RHPN2: variants seen among roughly 807,000 people sequenced by gnomAD.
RHPN2 encodes the protein rhophilin Rho GTPase binding protein 2.
A neutral mutation model predicts 79.0 loss-of-function variants in RHPN2; 40 were observed. That is an observed-to-expected ratio of 0.51 (90% CI 0.39 to 0.66). RHPN2 has a LOEUF of 0.66. RHPN2 is among the 30% of genes least tolerant of loss of function. The pLI is 0.00. For missense variants in RHPN2, 686 were observed against 883.5 expected (o/e 0.78, Z 2.83); for synonymous variants, 285 against 363.5 (o/e 0.78, Z 2.46).
intron 2 of RHPN2, 25 bp downstream of exon 2, chr19:33,044,224 G>T: frequency 6.5e-7 from 1 of 1,545,978 alleles, no homozygotes; most frequent in Non-Finnish European, 8.9e-7. Flanking sequence ...ACTCAGGAGA[G>T]GCAGGGAAGC....
At chr19:32,987,431 C>T (rs974442595) in intron 14 of RHPN2, among the ~76,000 whole-genome samples, 1 of 152,182 alleles carries the variant, frequency 6.6e-6, no homozygotes, top group African/African-American at 2.4e-5. Context: ...GCCACCTCTC[C>T]ACCAAAGTGT....
At chr19:32,991,753 G>A (rs891701600) in intron 13 of RHPN2, 70 bp downstream of exon 13, 2 of 1,604,068 alleles carry the variant, frequency 1.2e-6, no homozygotes, top group Non-Finnish European at 1.7e-6. Flanking sequence ...TTTGACATGG[G>A]TGAACCCACC....
chr19:32,984,626 C>T (rs1568308166), intron 14 of RHPN2, among the ~76,000 whole-genome samples: 1 of 151,880 alleles, frequency 6.6e-6, no homozygotes, highest in African/African-American at 2.4e-5. Flanking sequence ...CCACTGCACT[C>T]CAGCCTGGAT....
intron 14 of RHPN2, among the ~76,000 whole-genome samples, chr19:32,988,736 T>G (rs551404643): frequency 6.6e-6 from 1 of 152,178 alleles, no homozygotes; most frequent in African/African-American, 2.4e-5. Context: ...TTCTTGTCCC[T>G]CTGCAACTGG....
In RHPN2 at chr19:33,017,721, AAAAAG is replaced by A. The variant is rs1172841743; in HGVS notation, c.390+3845_390+3849del. 3.2e-3 allele frequency among the ~76,000 whole-genome samples: 447 copies of A among 141,062 alleles called. 4 individuals carry two copies. The highest frequency in any genetic ancestry group is 0.02 in the South Asian group (83 of 4,198). 92.5% of individuals were successfully genotyped at this position (141,062 alleles called of 152,430 possible). A position where few individuals can be genotyped will look rare whatever the true frequency, so the allele number is the denominator to read the frequency against. On this transcript the variant is annotated intron_variant, in intron 4 of 14. Coordinates refer to ENST00000254260, the MANE Select transcript of RHPN2 (RefSeq NM_033103.5). ...CATCTCTTAAAAAAAAAAAAAAAAA[AAAAAG>A]AGAGAGAGAGATGACTGGCCATGGT...
At chr19:33,061,675 G>A (rs1265986211) in intron 1 of RHPN2, among the ~76,000 whole-genome samples, 1 of 152,070 alleles carries the variant, frequency 6.6e-6, no homozygotes, top group South Asian at 2.1e-4. Context: ...GTAGAGACAG[G>A]GTTTCACCAT....
intron 3 of RHPN2, among the ~76,000 whole-genome samples, chr19:33,022,483 G>A (rs547012058): frequency 5.3e-5 from 8 of 151,898 alleles, no homozygotes; most frequent in Non-Finnish European, 8.8e-5. Flanking sequence ...GTGTCTAGGC[G>A]TCCCACCACC....
chr19:33,051,634 G>C (rs1368152515), intron 1 of RHPN2: 1 of 189,084 alleles, frequency 5.3e-6, no homozygotes, highest in African/African-American at 2.4e-5. Context: ...GTTATCCTAG[G>C]TGAAATCTGT....
At chr19:33,022,127 TA>T (rs67694038) in intron 3 of RHPN2, among the ~76,000 whole-genome samples, 17,999 of 152,008 alleles carry the variant, frequency 0.12, 1,118 homozygotes, top group African/African-American at 0.18. Context: ...ATTTTTTTAG[TA>T]GCAATGGGGT....
At chr19:33,060,091 C>T (rs1022985728) in intron 1 of RHPN2, among the ~76,000 whole-genome samples, 3 of 152,224 alleles carry the variant, frequency 2.0e-5, no homozygotes, top group Non-Finnish European at 2.9e-5. Context: ...CTAGCCTCCG[C>T]GTTCACCCGC....
chr19:33,047,731 TCTC>T (rs2145265791), intron 1 of RHPN2, among the ~76,000 whole-genome samples: 1 of 152,056 alleles, frequency 6.6e-6, no homozygotes, highest in East Asian at 1.9e-4. Flanking sequence ...ATCCCAGTAT[TCTC>T]CTTCCACAGA....
chr19:32,995,484 A>T (rs995942098), intron 11 of RHPN2, among the ~76,000 whole-genome samples: 13 of 152,142 alleles, frequency 8.5e-5, no homozygotes, highest in Non-Finnish European at 1.6e-4. Flanking sequence ...GCAGGCTCGG[A>T]CTACCCTTAA....
intron 2 of RHPN2, among the ~76,000 whole-genome samples, chr19:33,032,291 A>G (rs73039431): frequency 0.077 from 11,693 of 152,250 alleles, 572 homozygotes; most frequent in South Asian, 0.24. Context: ...TGCTGGGATT[A>G]TAGGCGTGAG....
intron 12 of RHPN2, among the ~76,000 whole-genome samples, chr19:32,993,455 CAG>C (rs1971677132): frequency 6.6e-6 from 1 of 152,058 alleles, no homozygotes; most frequent in South Asian, 2.1e-4. Flanking sequence ...GCCTGGGCAA[CAG>C]AGTGAGACTC....
At chr19:33,045,518 G>C (rs1972135374) in intron 1 of RHPN2, among the ~76,000 whole-genome samples, 2 of 151,532 alleles carry the variant, frequency 1.3e-5, no homozygotes, top group Admixed American at 1.3e-4. Flanking sequence ...GTGTCATCCA[G>C]GCTGCAGTGC....
intron 1 of RHPN2, among the ~76,000 whole-genome samples, chr19:33,047,561 G>A (rs1264345599): frequency 2.6e-5 from 4 of 152,106 alleles, no homozygotes; most frequent in Admixed American, 6.6e-5. Flanking sequence ...GCGGTCTGGC[G>A]GGTAGTATTA....
chr19:32,984,626 C>A (rs1568308166), intron 14 of RHPN2, among the ~76,000 whole-genome samples: 1 of 151,880 alleles, frequency 6.6e-6, no homozygotes, highest in Non-Finnish European at 1.5e-5. Context: ...CCACTGCACT[C>A]CAGCCTGGAT....
chr19:33,022,273 T>C (rs1046407819), intron 3 of RHPN2, among the ~76,000 whole-genome samples: 1 of 152,192 alleles, frequency 6.6e-6, no homozygotes, highest in Non-Finnish European at 1.5e-5. Context: ...TTTCGGCAGC[T>C]GTGCTGAGAG....
rs1599821455 is a variant in RHPN2 at position 33,021,589 on chromosome 19, G to A, written c.372C>T (p.Asp124=). ...PLGLKETKDV[D]FAVVLKDFIL... ...GATTTACCTTGAGGACGACTGCAAAGTCGACGTCTTTCGTTTCCTTCAGGC... is the reference window on the plus strand; with the variant it reads ...GATTTACCTTGAGGACGACTGCAAAATCGACGTCTTTCGTTTCCTTCAGGC... Residue 124 remains aspartate, a synonymous_variant, in exon 4 of 15, where the codon GAC becomes GAT. Coordinates refer to ENST00000254260, the MANE Select transcript of RHPN2 (RefSeq NM_033103.5). 2.5e-6 allele frequency: 4 copies of A among 1,613,932 alleles called. No homozygotes were observed. The East Asian group carries it at 8.9e-5, about 36-fold the overall frequency.
Sources: gnomAD v4.1 joint callset for allele counts (sites outside exome capture counted in the v4.1 genomes callset) on GRCh38, gnomAD v4.1.1 for gene constraint, MANE v1.5 for transcripts, NCBI Gene and HGNC (gene_info 2026-07-23, HGNC 2026-07-21) for gene names.